Variants in PALMD observed in about 807,000 individuals in gnomAD.
PALMD encodes palmdelphin.
In PALMD, 42 loss-of-function variants were observed where a neutral mutation model predicts 56.2. The observed-to-expected ratio is 0.75, with a 90% CI of 0.58 to 0.97. The LOEUF (loss-of-function observed/expected upper bound fraction) is 0.97, where lower values mean the gene tolerates loss of function less well. Among genes scored for constraint, PALMD ranks in the 50% least tolerant of loss-of-function variants. The pLI is 0.00. For missense variants in PALMD, 660 were observed against 643.8 expected (o/e 1.03, Z -0.27); for synonymous variants, 242 against 222.9 (o/e 1.09, Z -0.76).
chr1:99,692,318 A>G (rs1463860345), intron 7 of PALMD, among the ~76,000 whole-genome samples: 1 of 152,174 alleles, frequency 6.6e-6, no homozygotes, highest in Admixed American at 6.5e-5. Context: ...TGCAACAGCC[A>G]TTAGAGTCCA....
At chr1:99,652,681 AAAGGAAAG>A (rs1557666468) in intron 1 of PALMD, among the ~76,000 whole-genome samples, 42 of 98,992 alleles carry the variant, frequency 4.2e-4, no homozygotes, top group African/African-American at 1.6e-3. Flanking sequence ...AAAGGAAAGG[AAAGGAAAG>A]GAAAGGAAAA....
At chr1:99,685,776 G>C (rs1034492093) in intron 3 of PALMD, 37 of 152,208 alleles carry the variant, frequency 2.4e-4, no homozygotes, top group Admixed American at 2.4e-3. Flanking sequence ...TGACTTTAGA[G>C]CCTTAGTGTA....
At chr1:99,666,799 A>C (rs1652971530) in intron 2 of PALMD, among the ~76,000 whole-genome samples, 1 of 152,206 alleles carries the variant, frequency 6.6e-6, no homozygotes, top group African/African-American at 2.4e-5. Context: ...ATTAAAGCCC[A>C]TCCAAAATTT....
intron 3 of PALMD, among the ~76,000 whole-genome samples, chr1:99,675,975 T>C (rs1395947067): frequency 6.6e-6 from 1 of 152,190 alleles, no homozygotes; most frequent in African/African-American, 2.4e-5. Flanking sequence ...TCACATATAA[T>C]CAGTCAGCTT....
intron 3 of PALMD, chr1:99,685,324 C>G (rs1653460064): frequency 6.6e-6 from 1 of 152,094 alleles, no homozygotes; most frequent in South Asian, 2.1e-4. Flanking sequence ...CAGAGCTTTC[C>G]CCTTTACCAA....
At position 99,667,473 on chromosome 1, in the gene PALMD, A is replaced by G. The variant is rs1652992211; in HGVS notation, c.127-169A>G. 1.2e-5 allele frequency: 8 copies of G among 651,954 alleles called. No homozygotes were observed. In the South Asian group the frequency reaches 1.3e-4, roughly 11 times the overall value. The allele number at this position is 651,954 out of a possible 1,614,324, so 40.4% of individuals were successfully genotyped here. Reference sequence around the variant, plus strand: ...TAAAACCTGGCTTTGAATACAGTCAAGAAGGTTACAATGAAAGAAAATACC... The same window carrying G: ...TAAAACCTGGCTTTGAATACAGTCAGGAAGGTTACAATGAAAGAAAATACC... On this transcript the variant is annotated intron_variant, in intron 2 of 7. Coordinates refer to ENST00000263174, the MANE Select transcript of PALMD (RefSeq NM_017734.5).
chr1:99,686,467 T>A (rs2100874707), intron 3 of PALMD: 1 of 349,010 alleles, frequency 2.9e-6, no homozygotes, highest in East Asian at 4.5e-5. Flanking sequence ...AAAAGAAAAC[T>A]TGAAAATCGT....
chr1:99,659,566 T>G (rs1265909768), intron 1 of PALMD, among the ~76,000 whole-genome samples: 1 of 152,204 alleles, frequency 6.6e-6, no homozygotes, highest in Non-Finnish European at 1.5e-5. Context: ...AATGAAAAAC[T>G]GGGAAGAAAT....
intron 6 of PALMD, among the ~76,000 whole-genome samples, 199 bp downstream of exon 6, chr1:99,687,388 C>A (rs959156282): frequency 1.3e-5 from 2 of 152,116 alleles, no homozygotes; most frequent in African/African-American, 4.8e-5. Context: ...GCATTTTATT[C>A]CCTAACAAAC....
At chr1:99,660,450 TG>T (rs1652822203) in intron 1 of PALMD, among the ~76,000 whole-genome samples, 1 of 152,214 alleles carries the variant, frequency 6.6e-6, no homozygotes, top group African/African-American at 2.4e-5. Flanking sequence ...TAAGTAAAAT[TG>T]TGCCTGAAAA....
intron 2 of PALMD, among the ~76,000 whole-genome samples, chr1:99,667,239 C>G (rs1571065434): frequency 6.6e-6 from 1 of 152,164 alleles, no homozygotes; most frequent in East Asian, 1.9e-4. Context: ...GTTTAGGACA[C>G]AAGATATATA....
intron 1 of PALMD, among the ~76,000 whole-genome samples, chr1:99,659,557 A>G (rs879783881): frequency 1.3e-5 from 2 of 152,240 alleles, no homozygotes; most frequent in Non-Finnish European, 2.9e-5. Flanking sequence ...ATTTGCTCCA[A>G]TGAAAAACTG....
In PALMD at chr1:99,666,927, AT is replaced by A. The variant is rs576617773; in HGVS notation, c.127-709del. ...TGTTTTTTCCATCTGGTGAAATGTA[AT>A]TTTTTGTGTGTTGTTAAAGTTGACA... On this transcript the variant is annotated intron_variant, in intron 2 of 7. Transcript: ENST00000263174. 2.1e-3 allele frequency among the ~76,000 whole-genome samples: 315 copies of A among 152,204 alleles called. 1 individual carries two copies. Among genetic ancestry groups the A allele is most frequent in the African/African-American group, 7.2e-3 (301 of 41,546 alleles).
intron 3 of PALMD, among the ~76,000 whole-genome samples, chr1:99,675,382 T>A (rs542600350): frequency 1.3e-5 from 2 of 152,340 alleles, no homozygotes; most frequent in South Asian, 4.1e-4. Flanking sequence ...TTCTCTACAA[T>A]TTATTTTTAG....
intron 3 of PALMD, among the ~76,000 whole-genome samples, chr1:99,673,179 A>G (rs969828212): frequency 3.9e-5 from 6 of 152,230 alleles, no homozygotes; most frequent in Non-Finnish European, 8.8e-5. Flanking sequence ...GCAAAATTCA[A>G]TTCAAAAGAG....
At chr1:99,662,037 G>A (rs1652858032) in intron 1 of PALMD, among the ~76,000 whole-genome samples, 1 of 152,116 alleles carries the variant, frequency 6.6e-6, no homozygotes, top group African/African-American at 2.4e-5. Context: ...TCACTCAGTA[G>A]GTCAATCTTG....
intron 1 of PALMD, among the ~76,000 whole-genome samples, chr1:99,660,343 T>C (rs77591469): frequency 0.01 from 1,594 of 152,304 alleles, 29 homozygotes; most frequent in African/African-American, 0.037. Flanking sequence ...GCTCCGACAA[T>C]TGTCAGATGA....
chr1:99,693,978 G>T, intron 7 of PALMD, 41 bp from the exon 8 acceptor site: 1 of 1,465,494 alleles, frequency 6.8e-7, no homozygotes, highest in South Asian at 1.2e-5. Flanking sequence ...AAAAATTGAG[G>T]ATTTTTTTTA....
chr1:99,687,246 A>G, intron 6 of PALMD, 57 bp downstream of exon 6: 1 of 1,523,004 alleles, frequency 6.6e-7, no homozygotes. Flanking sequence ...TTACAGTGTC[A>G]AATATTCACA....
Sources: gnomAD v4.1 joint callset for allele counts (sites outside exome capture counted in the v4.1 genomes callset) on GRCh38, gnomAD v4.1.1 for gene constraint, MANE v1.5 for transcripts, NCBI Gene and HGNC (gene_info 2026-07-23, HGNC 2026-07-21) for gene names.